Variants in EDIL3 observed in about 807,000 individuals in gnomAD.
EDIL3 encodes the protein EGF like and discoidin domains 3.
A neutral mutation model predicts 67.4 loss-of-function variants in EDIL3; 37 were observed. The observed-to-expected ratio is 0.55, with a 90% CI of 0.42 to 0.72. The LOEUF (loss-of-function observed/expected upper bound fraction) is 0.72. EDIL3 is among the 30% of genes least tolerant of loss of function. The pLI is 0.00. For synonymous variants in EDIL3, 195 were observed against 196.3 expected (o/e 0.99, Z 0.05); for missense variants, 527 against 586.3 (o/e 0.90, Z 1.04).
chr5:84,163,957 A>G (rs1297089190), intron 4 of EDIL3, among the ~76,000 whole-genome samples: 1 of 152,120 alleles, frequency 6.6e-6, no homozygotes, highest in African/African-American at 2.4e-5. Flanking sequence ...ATACTAATAC[A>G]TAGCTCTTTA....
intron 1 of EDIL3, among the ~76,000 whole-genome samples, chr5:84,364,331 A>G (rs769464138): frequency 2.0e-5 from 3 of 152,320 alleles, no homozygotes; most frequent in Non-Finnish European, 4.4e-5. Context: ...GTCACAAGGC[A>G]AGTACTTGTT....
In EDIL3 at chr5:84,166,227, T is replaced by C. The variant is rs566762887; in HGVS notation, c.355+14166A>G. Among the ~76,000 whole-genome samples, 443 of 152,310 alleles carry C rather than the reference T, an allele frequency of 2.9e-3. 1 individual carries two copies. The highest frequency in any genetic ancestry group is 0.01 in the Middle Eastern group (3 of 294). On this transcript the variant is annotated intron_variant, in intron 4 of 10. Transcript: ENST00000296591. ...CAATCTCCAAAAGGAGGAGATGAGG[T>C]ACCGTGTTCCTCAACTTATTTGGCC...
At chr5:83,951,527 G>T (rs960272682) in intron 10 of EDIL3, among the ~76,000 whole-genome samples, 4 of 151,406 alleles carry the variant, frequency 2.6e-5, no homozygotes, top group East Asian at 3.9e-4. Context: ...ACAAATGAAA[G>T]ATTCCAATAA....
At chr5:84,180,326 G>T in intron 4 of EDIL3, 67 bp downstream of exon 4, 1 of 1,470,672 alleles carries the variant, frequency 6.8e-7, no homozygotes, top group Non-Finnish European at 9.0e-7. Context: ...CTACAAACAA[G>T]AATGATGATG....
At chr5:84,120,493 ACT>A (rs1384810182) in intron 5 of EDIL3, among the ~76,000 whole-genome samples, 3 of 151,908 alleles carry the variant, frequency 2.0e-5, no homozygotes, top group African/African-American at 7.2e-5. Context: ...GGAGTTTAGG[ACT>A]CTGTTTCCTT....
At chr5:84,257,596 C>T (rs1745144645) in intron 1 of EDIL3, among the ~76,000 whole-genome samples, 1 of 152,056 alleles carries the variant, frequency 6.6e-6, no homozygotes, top group Non-Finnish European at 1.5e-5. Context: ...TCCAGAGCTC[C>T]TGCCTGGATG....
intron 9 of EDIL3, among the ~76,000 whole-genome samples, chr5:84,020,097 C>G (rs1474166655): frequency 7.5e-6 from 1 of 134,084 alleles, no homozygotes. Flanking sequence ...AAAAACGCAA[C>G]AAACAAAACA....
chr5:84,040,266 C>G (rs1450607222), intron 9 of EDIL3, among the ~76,000 whole-genome samples: 1 of 152,054 alleles, frequency 6.6e-6, no homozygotes, highest in Non-Finnish European at 1.5e-5. Flanking sequence ...TATTCAACAC[C>G]ATATTAACGT....
At chr5:84,094,475 T>G (rs998280464) in intron 6 of EDIL3, among the ~76,000 whole-genome samples, 3 of 152,112 alleles carry the variant, frequency 2.0e-5, no homozygotes, top group Non-Finnish European at 4.4e-5. Flanking sequence ...TTAGATTGTA[T>G]GTAATTCAGC....
At chr5:84,090,286 GC>G (rs1747141304) in intron 6 of EDIL3, among the ~76,000 whole-genome samples, 1 of 152,150 alleles carries the variant, frequency 6.6e-6, no homozygotes, top group East Asian at 1.9e-4. Flanking sequence ...GCCATCCATT[GC>G]TTTAAAATGT....
At chr5:84,248,033 T>G (rs1744943642) in intron 2 of EDIL3, among the ~76,000 whole-genome samples, 1 of 152,194 alleles carries the variant, frequency 6.6e-6, no homozygotes, top group African/African-American at 2.4e-5. Context: ...AAAGACCATT[T>G]TTTAACTGCT....
At chr5:84,277,373 T>C (rs1169810619) in intron 1 of EDIL3, among the ~76,000 whole-genome samples, 1 of 152,128 alleles carries the variant, frequency 6.6e-6, no homozygotes, top group African/African-American at 2.4e-5. Context: ...ATCTTGGACT[T>C]CCAGCCTCCA....
In EDIL3 at chr5:84,182,502, GA is replaced by G. The variant is rs113088246; in HGVS notation, c.227-1982del. Among the ~76,000 whole-genome samples the G allele has an allele frequency of 7.6e-3, 1,143 of 149,490 alleles. 5 individuals carry two copies. The highest frequency in any genetic ancestry group is 0.011 in the Non-Finnish European group (709 of 67,248). On this transcript the variant is annotated intron_variant, in intron 3 of 10. Coordinates refer to ENST00000296591, the MANE Select transcript of EDIL3 (RefSeq NM_005711.5). The stretch of plus-strand genomic sequence containing the variant: ...AACAAACAAACAAACTTGTGAATAG[GA>G]AAAAAAAAATCACCAGCATCACTTC...
chr5:84,035,204 T>G (rs1000649891), intron 9 of EDIL3, among the ~76,000 whole-genome samples: 22 of 152,270 alleles, frequency 1.4e-4, no homozygotes, highest in Admixed American at 1.2e-3. Context: ...CTAGACTTGA[T>G]GCAACTTTAG....
intron 9 of EDIL3, among the ~76,000 whole-genome samples, chr5:84,038,645 C>T (rs1460374265): frequency 6.6e-6 from 1 of 152,150 alleles, no homozygotes; most frequent in Non-Finnish European, 1.5e-5. Context: ...ATAAGGGGTG[C>T]TGTTGTTGGT....
At chr5:84,186,150 T>C (rs940314452) in intron 3 of EDIL3, among the ~76,000 whole-genome samples, 6 of 152,106 alleles carry the variant, frequency 3.9e-5, no homozygotes, top group African/African-American at 1.4e-4. Flanking sequence ...GTTTTGACTT[T>C]GTGGTTACCC....
intron 1 of EDIL3, among the ~76,000 whole-genome samples, chr5:84,363,255 G>A (rs1453437785): frequency 6.6e-6 from 1 of 151,956 alleles, no homozygotes; most frequent in African/African-American, 2.4e-5. Context: ...TCAAGAGATT[G>A]AGACCATCAT....
rs569358411 is a variant in EDIL3 at position 84,178,420 on chromosome 5, A to G, written c.355+1973T>C. Among the ~76,000 whole-genome samples, 14 of 152,192 alleles carry G rather than the reference A, an allele frequency of 9.2e-5. No homozygotes were observed. In the South Asian group the frequency reaches 2.5e-3, roughly 27 times the overall value. On this transcript the variant is annotated intron_variant, in intron 4 of 10. Coordinates refer to ENST00000296591, the MANE Select transcript of EDIL3 (RefSeq NM_005711.5). ...TAGCAATCCTTGCAAGAGTTTAAAG[A>G]GCTCTTTTTCTGTTTTTCCTAGCTG...
At chr5:84,379,282 T>TC (rs1336118728) in intron 1 of EDIL3, among the ~76,000 whole-genome samples, 5 of 152,302 alleles carry the variant, frequency 3.3e-5, no homozygotes, top group South Asian at 4.1e-4. Context: ...GTCCCTGACA[T>TC]CAATTGATGC....
Sources: gnomAD v4.1 joint callset for allele counts (sites outside exome capture counted in the v4.1 genomes callset) on GRCh38, gnomAD v4.1.1 for gene constraint, MANE v1.5 for transcripts, NCBI Gene and HGNC (gene_info 2026-07-23, HGNC 2026-07-21) for gene names.